NAV3: variants seen among roughly 807,000 people sequenced by gnomAD.
NAV3 encodes neuron navigator 3, also known as pore membrane and/or filament interacting like protein 1.
Under a neutral mutation model 244.7 loss-of-function variants are expected in NAV3, and 87 were observed. The ratio of observed to expected loss-of-function variants is 0.36; its 90% CI spans 0.30 to 0.42. NAV3 has a LOEUF of 0.42. Among genes scored for constraint, NAV3 ranks in the 20% least tolerant of loss-of-function variants. The pLI, the probability that NAV3 is intolerant of heterozygous loss-of-function variation, is 1.00. For synonymous variants in NAV3, 1,126 were observed against 1,042.2 expected (o/e 1.08, Z -1.55); for missense variants, 2,663 against 2,893.3 (o/e 0.92, Z 1.83).
intron 31 of NAV3, among the ~76,000 whole-genome samples, chr12:78,187,640 T>C (rs1268628277): frequency 6.6e-6 from 1 of 151,944 alleles, no homozygotes; most frequent in Non-Finnish European, 1.5e-5. Context: ...TAGGTTTCTC[T>C]GGCAAGGTCT....
intron 1 of NAV3, among the ~76,000 whole-genome samples, chr12:77,904,065 A>G (rs1003985419): frequency 2.6e-5 from 4 of 152,138 alleles, no homozygotes; most frequent in African/African-American, 9.6e-5. Context: ...AACTAGTTCA[A>G]CCATTGTGGA....
rs1593704597 is a variant in NAV3, at chr12:78,128,816, C to A, written c.4391C>A (p.Pro1464His). The A allele has an allele frequency of 1.2e-6, 2 of 1,614,060 alleles. No homozygotes were observed. Among genetic ancestry groups the A allele is most frequent in the Middle Eastern group, 1.6e-4 (1 of 6,062 alleles). The part of the protein sequence containing the change: ...DTGNQSPLVS[P>H]SAMSSSAAGK... The stretch of plus-strand genomic sequence containing the variant: ...GGCAACCAGTCACCTCTGGTTTCCC[C>A]TTCTGCCATGTCATCTTCTGCAGCT... The change falls in exon 18 of 40, where the codon CCT (proline) becomes CAT (histidine). Residue 1464 changes from proline to histidine, a missense_variant. Pro to His is a moderately conservative substitution (Grantham distance 77, BLOSUM62 -2). Around this residue, in one of 6 missense-constraint regions of NAV3, gnomAD observed 354 missense variants for 413.0 expected, o/e 0.86. Coordinates refer to ENST00000397909, the MANE Select transcript of NAV3 (RefSeq NM_001024383.2).
chr12:77,623,531 G>A (rs1426294357), intron 2 of NAV3, among the ~76,000 whole-genome samples: 1 of 152,146 alleles, frequency 6.6e-6, no homozygotes, highest in African/African-American at 2.4e-5. Flanking sequence ...AACAAAATCA[G>A]TAAGAGTTTA....
chr12:77,781,590 C>T (rs1009806503), intron 2 of NAV3, among the ~76,000 whole-genome samples: 1 of 152,124 alleles, frequency 6.6e-6, no homozygotes, highest in African/African-American at 2.4e-5. Context: ...TCTCATGTCT[C>T]CCTAAAATGT....
At chr12:78,114,537 G>A (rs1955270863) in intron 12 of NAV3, among the ~76,000 whole-genome samples, 1 of 152,060 alleles carries the variant, frequency 6.6e-6, no homozygotes, top group Non-Finnish European at 1.5e-5. Flanking sequence ...TGAGCAAAAC[G>A]GGGGAAAAAC....
chr12:78,024,641 T>G (rs1024067969), intron 9 of NAV3, among the ~76,000 whole-genome samples: 1 of 152,172 alleles, frequency 6.6e-6, no homozygotes, highest in African/African-American at 2.4e-5. Context: ...TCACTTATTT[T>G]AGGCCATAGC....
intron 19 of NAV3, 49 bp downstream of exon 19, chr12:78,137,414 A>G (rs1236443789): frequency 6.6e-7 from 1 of 1,520,780 alleles, no homozygotes; most frequent in Non-Finnish European, 8.8e-7. Flanking sequence ...TTAAACCCTG[A>G]GAGGGAAACC....
intron 12 of NAV3, among the ~76,000 whole-genome samples, chr12:78,103,031 C>T (rs1465179550): frequency 6.6e-6 from 1 of 152,198 alleles, no homozygotes; most frequent in Non-Finnish European, 1.5e-5. Context: ...CTCCTTGTTA[C>T]TTATGCAGAT....
At chr12:78,149,192 G>T (rs1038608164) in intron 22 of NAV3, among the ~76,000 whole-genome samples, 1 of 152,022 alleles carries the variant, frequency 6.6e-6, no homozygotes, top group Admixed American at 6.6e-5. Context: ...TTTCTTGTTT[G>T]CTATTTTTAT....
At chr12:77,713,448 CT>C (rs1876218124) in intron 2 of NAV3, among the ~76,000 whole-genome samples, 1 of 152,092 alleles carries the variant, frequency 6.6e-6, no homozygotes, top group East Asian at 1.9e-4. Context: ...ATAATGAATA[CT>C]TTTCTTATAA....
intron 18 of NAV3, among the ~76,000 whole-genome samples, chr12:78,131,800 T>C (rs1956177201): frequency 6.6e-6 from 1 of 152,156 alleles, no homozygotes; most frequent in Non-Finnish European, 1.5e-5. Flanking sequence ...TATGTAAAGA[T>C]GGAGAAGTGT....
chr12:77,889,063 T>G (rs1010497901), intron 1 of NAV3, among the ~76,000 whole-genome samples: 1 of 152,204 alleles, frequency 6.6e-6, no homozygotes, highest in African/African-American at 2.4e-5. Context: ...CAATGGTTTA[T>G]TTTATGTGTC....
intron 25 of NAV3, 132 bp from the exon 26 acceptor site, chr12:78,176,307 G>C (rs1958224662): frequency 2.7e-6 from 2 of 744,956 alleles, no homozygotes; most frequent in Non-Finnish European, 4.1e-6. Flanking sequence ...GATTTTACTG[G>C]AGTGCTTTCT....
intron 38 of NAV3, among the ~76,000 whole-genome samples, chr12:78,200,816 A>G (rs1228878060): frequency 6.6e-6 from 1 of 152,054 alleles, no homozygotes; most frequent in Non-Finnish European, 1.5e-5. Context: ...CAACAACTAT[A>G]CATTTAAGTC....
intron 2 of NAV3, among the ~76,000 whole-genome samples, chr12:77,805,120 C>T (rs986141155): frequency 6.6e-6 from 1 of 152,172 alleles, no homozygotes. Context: ...CAAACAGAGA[C>T]AATTTGACTT....
intron 5 of NAV3, among the ~76,000 whole-genome samples, chr12:77,990,637 C>T (rs945966882): frequency 6.6e-6 from 1 of 152,190 alleles, no homozygotes; most frequent in Non-Finnish European, 1.5e-5. Context: ...ATAATTATCA[C>T]ACTTTAAAAA....
intron 3 of NAV3, among the ~76,000 whole-genome samples, chr12:77,960,434 G>C (rs1005290994): frequency 8.8e-6 from 1 of 113,484 alleles, no homozygotes; most frequent in East Asian, 2.5e-4. Context: ...ATTCTGGCCA[G>C]TCATATATAT....
At chr12:77,911,142 T>A (rs1302096622) in intron 1 of NAV3, among the ~76,000 whole-genome samples, 1 of 152,016 alleles carries the variant, frequency 6.6e-6, no homozygotes, top group Non-Finnish European at 1.5e-5. Context: ...AACCCAACAT[T>A]AGCTTTAGAA....
chr12:77,959,170 C>T (rs1891641210), intron 3 of NAV3, among the ~76,000 whole-genome samples: 1 of 152,104 alleles, frequency 6.6e-6, no homozygotes, highest in Admixed American at 6.6e-5. Flanking sequence ...ACAAGTTTTG[C>T]TACAAATTGG....
Sources: allele counts gnomAD v4.1 joint callset (sites outside exome capture counted in the v4.1 genomes callset), GRCh38; gene constraint gnomAD v4.1.1; regional missense constraint gnomAD v4.1.1; transcripts MANE v1.5; gene names NCBI Gene and HGNC (gene_info 2026-07-23, HGNC 2026-07-21).